Variants in TMEM132B observed in about 807,000 individuals in gnomAD.
The protein encoded by TMEM132B is transmembrane protein 132B.
In TMEM132B, 18 loss-of-function variants were observed where a neutral mutation model predicts 90.8. That is an observed-to-expected ratio of 0.20 (90% CI 0.14 to 0.29). The LOEUF (loss-of-function observed/expected upper bound fraction) is 0.29. Ranked by LOEUF, TMEM132B falls within the 10% of genes least tolerant of loss-of-function variation. TMEM132B has a pLI of 1.00. For synonymous variants in TMEM132B, 504 were observed against 523.3 expected (o/e 0.96, Z 0.50); for missense variants, 1,096 against 1,326.8 (o/e 0.83, Z 2.70).
At chr12:125,559,405 C>T (rs1884466438) in intron 4 of TMEM132B, among the ~76,000 whole-genome samples, 1 of 152,172 alleles carries the variant, frequency 6.6e-6, no homozygotes, top group African/African-American at 2.4e-5. Flanking sequence ...TTCCCTTTAT[C>T]ACAAAGCCAT....
rs951847732 is a variant in TMEM132B, at chr12:125,209,322, G to A, written c.67+22456G>A. Among the ~76,000 whole-genome samples, 3 of 152,212 alleles carry A rather than the reference G, an allele frequency of 2.0e-5. No individual in the cohort carries two copies. Among genetic ancestry groups the A allele is most frequent in the Admixed American group, 6.5e-5 (1 of 15,290 alleles). On this transcript the variant is annotated intron_variant, in intron 1 of 8. Coordinates refer to ENST00000682704, the MANE Select transcript of TMEM132B (RefSeq NM_001366854.1). This position sits in a 1 kb window ranked among gnomAD's most constrained non-coding sequence, Gnocchi z 4.4. ...TGGGGCAGAGGCTCGCGGATGGACC[G>A]CCCCAGGGGATGGTGCAGTGGGCTT...
rs1477830728 is a variant in TMEM132B at position 125,460,693 on chromosome 12, TCCAGA to T, written c.1106+45020_1106+45024del. Among the ~76,000 whole-genome samples, 1 of 152,126 alleles carries T rather than the reference TCCAGA, an allele frequency of 6.6e-6. No individual in the cohort carries two copies. Among genetic ancestry groups the T allele is most frequent in the Non-Finnish European group, 1.5e-5 (1 of 68,018 alleles). ...CAAAGGATGAAATAAAACAGTTGAT[TCCAGA>T]CCACTGGGGCCAGTGTCATCAGCGT... On this transcript the variant is annotated intron_variant, in intron 3 of 8. Transcript: ENST00000682704. This position sits in a 1 kb window ranked among gnomAD's most constrained non-coding sequence, Gnocchi z 4.4.
rs896030876 is a variant in TMEM132B at position 125,460,716 on chromosome 12, A to G, written c.1106+45039A>G. Among the ~76,000 whole-genome samples the G allele has an allele frequency of 7.2e-5, 11 of 152,282 alleles. No homozygotes were observed. The highest frequency in any genetic ancestry group is 1.3e-4 in the Admixed American group (2 of 15,304). ...ATTCCAGACCACTGGGGCCAGTGTC[A>G]TCAGCGTGTGTATGTCATTGGCAGC... On this transcript the variant is annotated intron_variant, in intron 3 of 8. Transcript: ENST00000682704. The surrounding 1 kb of genome is among the most constrained non-coding windows in gnomAD (Gnocchi z 4.4).
chr12:125,470,300 T>G (rs1336052406), intron 3 of TMEM132B, among the ~76,000 whole-genome samples: 2 of 152,216 alleles, frequency 1.3e-5, no homozygotes, highest in Non-Finnish European at 2.9e-5. Flanking sequence ...ATTCTGGGCC[T>G]GGCCGTCTCT....
chr12:125,238,405 A>G (rs1337886642), intron 1 of TMEM132B, among the ~76,000 whole-genome samples: 1 of 150,246 alleles, frequency 6.7e-6, no homozygotes, highest in East Asian at 1.9e-4. Context: ...ACAAAAACGC[A>G]GTCTCAGATG....
intron 5 of TMEM132B, among the ~76,000 whole-genome samples, 199 bp from the exon 6 acceptor site, chr12:125,643,877 A>C (rs902486778): frequency 6.6e-6 from 1 of 152,208 alleles, no homozygotes; most frequent in African/African-American, 2.4e-5. Flanking sequence ...GTAATACAAA[A>C]TAGTTTTCCT....
chr12:125,307,782 A>T (rs10846868), intron 1 of TMEM132B, among the ~76,000 whole-genome samples: 7 of 146,800 alleles, frequency 4.8e-5, no homozygotes, highest in East Asian at 3.9e-4. Flanking sequence ...TATACTTATA[A>T]TACAAGTATA....
Position 125,273,866 on chromosome 12 carries a change from G to C in TMEM132B, c.68-75586G>C, listed in dbSNP as rs990777645. Among the ~76,000 whole-genome samples, 3 of 152,166 alleles carry C rather than the reference G, an allele frequency of 2.0e-5. No homozygotes were observed. The South Asian group carries it at 6.2e-4, about 32-fold the overall frequency. On this transcript the variant is annotated intron_variant, in intron 1 of 8. Coordinates refer to ENST00000682704, the MANE Select transcript of TMEM132B (RefSeq NM_001366854.1). ...TTTTGTAGAGATGGGGTTTCACCATGTTGGTCAGTCTGGTCTTGAACTTCT... is the reference window on the plus strand; with the variant it reads ...TTTTGTAGAGATGGGGTTTCACCATCTTGGTCAGTCTGGTCTTGAACTTCT...
At chr12:125,309,073 T>C (rs1489270760) in intron 1 of TMEM132B, among the ~76,000 whole-genome samples, 4 of 152,234 alleles carry the variant, frequency 2.6e-5, no homozygotes, top group Non-Finnish European at 5.9e-5. Flanking sequence ...CATCATGTCA[T>C]GATTTATTTA....
chr12:125,529,755 C>T (rs1438710515), intron 4 of TMEM132B, among the ~76,000 whole-genome samples: 5 of 152,182 alleles, frequency 3.3e-5, no homozygotes, highest in Non-Finnish European at 7.4e-5. Flanking sequence ...TCTTGTCTTT[C>T]GTCTTTTGTT....
intron 5 of TMEM132B, among the ~76,000 whole-genome samples, chr12:125,630,049 TG>T (rs1211415718): frequency 6.6e-6 from 1 of 152,158 alleles, no homozygotes; most frequent in African/African-American, 2.4e-5. Flanking sequence ...GCTAGTATTT[TG>T]TTGAGGATTT....
chr12:125,434,144 T>C (rs935047987), intron 3 of TMEM132B, among the ~76,000 whole-genome samples: 2 of 152,198 alleles, frequency 1.3e-5, no homozygotes, highest in Admixed American at 6.5e-5. Flanking sequence ...CTTTTCCCGC[T>C]TGCAGGGGCT....
intron 4 of TMEM132B, among the ~76,000 whole-genome samples, chr12:125,575,120 T>C (rs1385429472): frequency 7.9e-6 from 1 of 127,002 alleles, no homozygotes; most frequent in Non-Finnish European, 1.7e-5. Flanking sequence ...GGTAATTCTC[T>C]GTTTAACCTT....
At chr12:125,224,704 A>G (rs775072229) in intron 1 of TMEM132B, among the ~76,000 whole-genome samples, 16 of 152,210 alleles carry the variant, frequency 1.1e-4, no homozygotes, top group Non-Finnish European at 2.1e-4. Flanking sequence ...AAAAACCCCA[A>G]CTGAATATCT....
intron 5 of TMEM132B, among the ~76,000 whole-genome samples, chr12:125,643,211 C>T (rs1370875212): frequency 6.6e-6 from 1 of 152,186 alleles, no homozygotes; most frequent in African/African-American, 2.4e-5. Context: ...GAGGTGGGGG[C>T]CCTGCCAGCA....
intron 1 of TMEM132B, chr12:125,326,696 C>T (rs1876584599): frequency 6.2e-7 from 1 of 1,601,310 alleles, no homozygotes; most frequent in Non-Finnish European, 8.5e-7. Context: ...AGGGAATGGC[C>T]TGGTGCAACC....
At chr12:125,295,544 C>A (rs10846865) in intron 1 of TMEM132B, among the ~76,000 whole-genome samples, 1 of 83,352 alleles carries the variant, frequency 1.2e-5, no homozygotes, top group African/African-American at 4.3e-5. Context: ...GAGAGAGAGA[C>A]AGAGACAGAG....
intron 2 of TMEM132B, among the ~76,000 whole-genome samples, chr12:125,381,067 C>G (rs370912193): frequency 1.3e-5 from 2 of 152,210 alleles, no homozygotes; most frequent in South Asian, 4.1e-4. Flanking sequence ...TTTGTGTTGG[C>G]CTTGCTACTA....
At chr12:125,328,461 A>C (rs540188736) in intron 1 of TMEM132B, among the ~76,000 whole-genome samples, 2 of 152,330 alleles carry the variant, frequency 1.3e-5, no homozygotes, top group African/African-American at 4.8e-5. Flanking sequence ...TTTGAAGGGC[A>C]GATGTCCAAA....
Sources: allele counts gnomAD v4.1 joint callset (sites outside exome capture counted in the v4.1 genomes callset), GRCh38; gene constraint gnomAD v4.1.1; non-coding constraint Gnocchi (gnomAD v3.1); transcripts MANE v1.5; gene names NCBI Gene and HGNC (gene_info 2026-07-23, HGNC 2026-07-21).